The following STRAP variants were observed in gnomAD, a reference collection of about 807,000 sequenced individuals.
STRAP encodes the protein serine-threonine kinase receptor-associated protein.
STRAP carries 16 observed loss-of-function variants against 47.0 expected under a neutral mutation model. That is an observed-to-expected ratio of 0.34 (90% CI 0.23 to 0.52). The LOEUF (loss-of-function observed/expected upper bound fraction) is 0.52. Ranked by LOEUF, STRAP falls within the 20% of genes least tolerant of loss-of-function variation. The pLI is 0.96. For missense variants in STRAP, 293 were observed against 420.0 expected (o/e 0.70, Z 2.64); for synonymous variants, 130 against 142.7 (o/e 0.91, Z 0.63).
At chr12:15,888,595 A>G (rs367716911) in intron 2 of STRAP, among the ~76,000 whole-genome samples, 1 of 152,142 alleles carries the variant, frequency 6.6e-6, no homozygotes, top group East Asian at 1.9e-4. Context: ...CACATTGCAC[A>G]TGCTATTAAT....
chr12:15,900,964 C>A lies in STRAP; in HGVS notation c.943C>A (p.Leu315Met). 1 of 1,594,130 alleles carries A rather than the reference C, an allele frequency of 6.3e-7. No individual in the cohort carries two copies. Among genetic ancestry groups the A allele is most frequent in the South Asian group, 1.1e-5 (1 of 87,236 alleles). ...CVLPEEDSGE[L>M]AKPKIGFPET... ...TTTTACAGAAGAAGATAGTGGTGAG[C>A]TGGCAAAGCCAAAGATTGGTTTTCC... Residue 315 changes from leucine (L) to methionine (M), a missense_variant, in exon 9 of 10, where the codon CTG becomes ATG. Coordinates refer to ENST00000419869, the MANE Select transcript of STRAP (RefSeq NM_007178.4).
intron 4 of STRAP, among the ~76,000 whole-genome samples, chr12:15,893,724 CTTTTTA>C (rs1487608726): frequency 1.3e-5 from 2 of 148,800 alleles, no homozygotes; most frequent in East Asian, 3.9e-4. Flanking sequence ...ATATAAAATA[CTTTTTA>C]TTTATTATAC....
chr12:15,883,209 A>G (rs1424956993), intron 1 of STRAP: 3 of 1,393,112 alleles, frequency 2.2e-6, no homozygotes, highest in South Asian at 1.2e-5. Context: ...GTCTCACTGG[A>G]TATTCCTTTG....
chr12:15,896,480 G>A lies in STRAP; in HGVS notation c.638+984G>A, dbSNP rs550025275. Among the ~76,000 whole-genome samples the A allele has an allele frequency of 6.6e-6, 1 of 151,690 alleles. No homozygotes were observed. Among genetic ancestry groups the A allele is most frequent in the African/African-American group, 2.4e-5 (1 of 41,378 alleles). On this transcript the variant is annotated intron_variant, in intron 6 of 9. Transcript: ENST00000419869. This position sits in a 1 kb window ranked among gnomAD's most constrained non-coding sequence, Gnocchi z 4.1. ...TACCCATAGGTGCAAGAGTGATAATGGTAGTTATATTTTCTGCTAGTCCAT... is the reference window on the plus strand; with the variant it reads ...TACCCATAGGTGCAAGAGTGATAATAGTAGTTATATTTTCTGCTAGTCCAT...
intron 2 of STRAP, among the ~76,000 whole-genome samples, chr12:15,888,830 T>C (rs1197986378): frequency 6.6e-6 from 1 of 152,160 alleles, no homozygotes; most frequent in East Asian, 1.9e-4. Context: ...TACTGTGGGG[T>C]ATTTTTTGTC....
intron 1 of STRAP, chr12:15,883,033 C>G: frequency 6.5e-7 from 1 of 1,530,528 alleles, no homozygotes; most frequent in Non-Finnish European, 8.8e-7. Flanking sequence ...AAACTATTAC[C>G]TCCAACTAAG....
rs1309323721 is a variant in STRAP, at chr12:15,882,588, C to T, written c.-120C>T. ...CCGGATTGCCCTTCTTTTCCTGTTG[C>T]CCAGCCCAGCCCTAGTGTCAGGGCG... On this transcript the variant is annotated 5_prime_UTR_variant, in exon 1 of 10. Transcript: ENST00000419869. The T allele has an allele frequency of 4.9e-6, 4 of 813,426 alleles. No individual in the cohort carries two copies. Among genetic ancestry groups the T allele is most frequent in the African/African-American group, 1.7e-5 (1 of 58,112 alleles). 50.4% of individuals were successfully genotyped at this position (813,426 alleles called of 1,614,324 possible). A position where few individuals can be genotyped will look rare whatever the true frequency, so the allele number is the denominator to read the frequency against.
rs1478676792 is a variant in STRAP, at chr12:15,883,054, T to C, written c.112+235T>C. The C allele has an allele frequency of 2.0e-6, 3 of 1,535,514 alleles. No individual in the cohort carries two copies. The East Asian group carries it at 7.3e-5, about 38-fold the overall frequency. On this transcript the variant is annotated intron_variant, in intron 1 of 9. Transcript: ENST00000419869. ...TTACCTCCAACTAAGACCTCTCTCC[T>C]TATTTTATTTTTATTGCTATTTTTG...
intron 5 of STRAP, 102 bp from the exon 6 acceptor site, chr12:15,895,257 A>G: frequency 3.2e-6 from 3 of 941,122 alleles, no homozygotes; most frequent in Middle Eastern, 3.7e-4. Context: ...GTTTTTCTGT[A>G]ATTGTGATTG....
chr12:15,897,719 T>TC (rs1373395598), intron 6 of STRAP, among the ~76,000 whole-genome samples, 163 bp from the exon 7 acceptor site: 1 of 151,824 alleles, frequency 6.6e-6, no homozygotes, highest in East Asian at 1.9e-4. Flanking sequence ...TTTGATTTTT[T>TC]TTTTTTTTTT....
Position 15,894,893 on chromosome 12 carries a change from T to C in STRAP, c.501-466T>C, listed in dbSNP as rs906879896. On this transcript the variant is annotated intron_variant, in intron 5 of 9. Coordinates refer to ENST00000419869, the MANE Select transcript of STRAP (RefSeq NM_007178.4). The surrounding 1 kb of genome is among the most constrained non-coding windows in gnomAD (Gnocchi z 4.9). The stretch of plus-strand genomic sequence containing the variant: ...AGAAAATTAAATTGCTGATACCTTA[T>C]AAGCAGGTGTTTTTAACCTGGGTCT... 6.6e-6 allele frequency among the ~76,000 whole-genome samples: 1 copy of C among 152,210 alleles called. No homozygotes were observed. The highest frequency in any genetic ancestry group is 2.1e-4 in the South Asian group (1 of 4,830).
intron 7 of STRAP, among the ~76,000 whole-genome samples, chr12:15,899,245 T>G (rs1028538244): frequency 3.3e-5 from 5 of 152,180 alleles, no homozygotes; most frequent in African/African-American, 1.2e-4. Context: ...ATAGGAACAT[T>G]GGTCTAGTAA....
chr12:15,898,105 T>C (rs926431651), intron 7 of STRAP, 87 bp downstream of exon 7: 2 of 1,152,222 alleles, frequency 1.7e-6, no homozygotes, highest in Non-Finnish European at 1.2e-6. Flanking sequence ...TATATATATG[T>C]TACATATATA....
rs750545274 is a variant in STRAP at position 15,895,328 on chromosome 12, T to G, written c.501-31T>G. The G allele has an allele frequency of 2.2e-5, 33 of 1,481,870 alleles. No homozygotes were observed. The South Asian group carries it at 2.5e-4, about 11-fold the overall frequency. The allele number at this position is 1,481,870 out of a possible 1,614,324, so 91.8% of individuals were successfully genotyped here. A position where few individuals can be genotyped will look rare whatever the true frequency, so the allele number is the denominator to read the frequency against. Reference sequence around the variant, plus strand: ...TTTATAAACTTTTTTCTTACATGAGTAAACATCATATTTTTATCTTTATTT... The same window carrying G: ...TTTATAAACTTTTTTCTTACATGAGGAAACATCATATTTTTATCTTTATTT... On this transcript the variant is annotated intron_variant, in intron 5 of 9. Coordinates refer to ENST00000419869, the MANE Select transcript of STRAP (RefSeq NM_007178.4).
chr12:15,900,828 T>C, intron 8 of STRAP, 119 bp from the exon 9 acceptor site: 1 of 666,744 alleles, frequency 1.5e-6, no homozygotes, highest in Non-Finnish European at 2.2e-6. Context: ...GAGTTGTTTT[T>C]ATTATATTTT....
At position 15,882,439 on chromosome 12, in the gene STRAP, C is replaced by T. The variant is rs528910230; in HGVS notation, c.-269C>T. 3 of 510,792 alleles carry T rather than the reference C, an allele frequency of 5.9e-6. No individual in the cohort carries two copies. Among genetic ancestry groups the T allele is most frequent in the African/African-American group, 3.9e-5 (2 of 51,752 alleles). The allele number at this position is 510,792 out of a possible 1,614,324, so 31.6% of individuals were successfully genotyped here. On this transcript the variant is annotated 5_prime_UTR_variant, in exon 1 of 10. Transcript: ENST00000419869. ...TGGACGCTGTGAATCGTGGCTGGCCCGGTTCTCCGCTTCTCCCCATCCCCT... is the reference window on the plus strand; with the variant it reads ...TGGACGCTGTGAATCGTGGCTGGCCTGGTTCTCCGCTTCTCCCCATCCCCT...
chr12:15,882,965 G>A, intron 1 of STRAP, 146 bp downstream of exon 1: 1 of 1,362,148 alleles, frequency 7.3e-7, no homozygotes, highest in Non-Finnish European at 1.0e-6. Context: ...CACTGGTCCG[G>A]TGGAGAAAGG....
intron 7 of STRAP, 63 bp downstream of exon 7, chr12:15,898,081 ACCTCATT>A: frequency 2.1e-6 from 3 of 1,418,848 alleles, no homozygotes; most frequent in Non-Finnish European, 1.9e-6. Flanking sequence ...AGTAATTAAC[ACCTCATT>A]TATATATATA....
intron 9 of STRAP, among the ~76,000 whole-genome samples, chr12:15,902,137 C>T (rs1948109130): frequency 6.6e-6 from 1 of 151,952 alleles, no homozygotes; most frequent in African/African-American, 2.4e-5. Flanking sequence ...CCACGCCTGG[C>T]TAATTTTTGT....
Sources: gnomAD v4.1 joint callset for allele counts (sites outside exome capture counted in the v4.1 genomes callset) on GRCh38, gnomAD v4.1.1 for gene constraint, Gnocchi (gnomAD v3.1) non-coding constraint, MANE v1.5 for transcripts, NCBI Gene and HGNC (gene_info 2026-07-23, HGNC 2026-07-21) for gene names.